The following MAP2K6 variants were observed in gnomAD, a reference collection of about 807,000 sequenced individuals.
MAP2K6 encodes the protein mitogen-activated protein kinase kinase 6, also known as dual specificity mitogen-activated protein kinase kinase 6.
In MAP2K6, 16 loss-of-function variants were observed where a neutral mutation model predicts 53.7. That is an observed-to-expected ratio of 0.30 (90% CI 0.20 to 0.45). The LOEUF (loss-of-function observed/expected upper bound fraction) is 0.45, where lower values mean the gene tolerates loss of function less well. MAP2K6 is among the 20% of genes least tolerant of loss of function. MAP2K6 has a pLI of 1.00. For missense variants in MAP2K6, 204 were observed against 411.9 expected (o/e 0.50, Z 4.37); for synonymous variants, 132 against 143.1 (o/e 0.92, Z 0.55).
intron 1 of MAP2K6, among the ~76,000 whole-genome samples, chr17:69,490,740 CA>C (rs1231418491): frequency 6.6e-6 from 1 of 151,492 alleles, no homozygotes; most frequent in African/African-American, 2.4e-5. Context: ...GTTTTACGTT[CA>C]GGGGTACATG....
intron 1 of MAP2K6, among the ~76,000 whole-genome samples, chr17:69,432,810 TA>T (rs59109680): frequency 0.59 from 82,620 of 139,732 alleles, 24,466 homozygotes; most frequent in African/African-American, 0.77. Context: ...AACCTAAAAT[TA>T]AAAAAAAAAA....
chr17:69,424,561 G>A (rs1451910259), intron 1 of MAP2K6, among the ~76,000 whole-genome samples: 1 of 152,172 alleles, frequency 6.6e-6, no homozygotes, highest in Non-Finnish European at 1.5e-5. Flanking sequence ...AGAGGTTTTA[G>A]CCAAGGTCTG....
chr17:69,453,664 G>C (rs916505871), intron 1 of MAP2K6, among the ~76,000 whole-genome samples: 1 of 152,188 alleles, frequency 6.6e-6, no homozygotes, highest in Non-Finnish European at 1.5e-5. Flanking sequence ...GTCTTGAATA[G>C]TAGGAGAAAC....
chr17:69,498,619 C>T (rs575463358), intron 1 of MAP2K6, among the ~76,000 whole-genome samples: 14 of 143,094 alleles, frequency 9.8e-5, no homozygotes, highest in South Asian at 2.3e-4. Context: ...GCACCCAGCA[C>T]GCCTGGAAGC....
At position 69,489,347 on chromosome 17, in the gene MAP2K6, A is replaced by G. The variant is rs1908660922; in HGVS notation, c.17-16433A>G. 2.0e-5 allele frequency among the ~76,000 whole-genome samples: 3 copies of G among 152,316 alleles called. No homozygotes were observed. The South Asian group carries it at 6.2e-4, about 32-fold the overall frequency. On this transcript the variant is annotated intron_variant, in intron 1 of 11. Coordinates refer to ENST00000590474, the MANE Select transcript of MAP2K6 (RefSeq NM_002758.4). ...AATACGTTTCACCCACATTTCTGTG[A>G]TCACATAGGTGGAACATTGTTCTGG...
At chr17:69,535,851 TATC>T (rs1911326968) in intron 10 of MAP2K6, among the ~76,000 whole-genome samples, 1 of 150,964 alleles carries the variant, frequency 6.6e-6, no homozygotes. Flanking sequence ...TTAGTGTGCA[TATC>T]ATCGGTAAAG....
intron 1 of MAP2K6, among the ~76,000 whole-genome samples, chr17:69,466,154 C>T (rs1429911208): frequency 4.7e-5 from 7 of 150,184 alleles, no homozygotes; most frequent in South Asian, 2.1e-4. Context: ...AGCATGGTGG[C>T]GCACAGCTGT....
At chr17:69,503,398 GT>G (rs1453235932) in intron 1 of MAP2K6, among the ~76,000 whole-genome samples, 1 of 152,218 alleles carries the variant, frequency 6.6e-6, no homozygotes. Flanking sequence ...TCTATGCGAT[GT>G]CAATAACTGA....
intron 1 of MAP2K6, among the ~76,000 whole-genome samples, chr17:69,498,447 A>T (rs1025060080): frequency 9.2e-5 from 14 of 152,190 alleles, no homozygotes; most frequent in African/African-American, 3.1e-4. Flanking sequence ...TACTGTCCCC[A>T]GTAGCTGAGA....
chr17:69,513,792 C>T (rs1227129492), intron 2 of MAP2K6, among the ~76,000 whole-genome samples: 1 of 152,024 alleles, frequency 6.6e-6, no homozygotes, highest in Non-Finnish European at 1.5e-5. Context: ...AGTTGCAGCC[C>T]CAAATAATTA....
Position 69,544,384 on chromosome 17 carries a change from C to G in MAP2K6, c.*2631C>G, listed in dbSNP as rs1050658961. 3.9e-5 allele frequency: 6 copies of G among 152,168 alleles called. No homozygotes were observed. Among genetic ancestry groups the G allele is most frequent in the Admixed American group, 3.3e-4 (5 of 15,282 alleles). The allele number at this position is 152,168 out of a possible 1,614,324, so 9.4% of individuals were successfully genotyped here. The stretch of plus-strand genomic sequence containing the variant: ...AGAGCATGGTTTTGTTTTTGGAAAA[C>G]TGTGTTGTAAGTGCCAATCAACCAA... On this transcript the variant is annotated 3_prime_UTR_variant, in exon 12 of 12. Transcript: ENST00000590474.
At chr17:69,475,575 G>T (rs889167432) in intron 1 of MAP2K6, among the ~76,000 whole-genome samples, 2 of 152,218 alleles carry the variant, frequency 1.3e-5, no homozygotes, top group African/African-American at 4.8e-5. Context: ...TACACACAAA[G>T]AACATTTTAT....
intron 9 of MAP2K6, 97 bp from the exon 10 acceptor site, chr17:69,526,473 C>T (rs1910775646): frequency 7.4e-7 from 1 of 1,354,642 alleles, no homozygotes; most frequent in African/African-American, 1.4e-5. Context: ...TGAACTTTGC[C>T]TTGTGTTTCC....
chr17:69,419,283 T>A (rs1011319483), intron 1 of MAP2K6, among the ~76,000 whole-genome samples: 4 of 152,218 alleles, frequency 2.6e-5, no homozygotes, highest in Admixed American at 1.3e-4. Flanking sequence ...TTCTTTAGGA[T>A]GATTCCTAGA....
intron 2 of MAP2K6, among the ~76,000 whole-genome samples, chr17:69,515,238 C>A (rs1311063854): frequency 6.6e-6 from 1 of 151,820 alleles, no homozygotes; most frequent in African/African-American, 2.4e-5. Flanking sequence ...CTCACTGCAA[C>A]CTCCGCCTTC....
chr17:69,422,313 G>A (rs779627986), intron 1 of MAP2K6, among the ~76,000 whole-genome samples: 2 of 151,650 alleles, frequency 1.3e-5, no homozygotes, highest in East Asian at 1.9e-4. Context: ...TGTATTTTTA[G>A]TAGAGACAGG....
intron 1 of MAP2K6, chr17:69,501,567 T>C (rs1033752558): frequency 2.1e-4 from 32 of 152,216 alleles, no homozygotes; most frequent in Non-Finnish European, 4.6e-4. Flanking sequence ...AGCTTTGCTT[T>C]GGTTTCAGAT....
chr17:69,424,854 T>C (rs1042688752), intron 1 of MAP2K6, among the ~76,000 whole-genome samples: 1 of 152,212 alleles, frequency 6.6e-6, no homozygotes, highest in African/African-American at 2.4e-5. Context: ...GAGTTCCAAA[T>C]AGAAACTGCC....
chr17:69,495,355 C>T (rs1908908011), intron 1 of MAP2K6, among the ~76,000 whole-genome samples: 1 of 152,030 alleles, frequency 6.6e-6, no homozygotes. Context: ...CCTGCCTCAG[C>T]CTCCCAAGTA....
Sources: gnomAD v4.1 joint callset for allele counts (sites outside exome capture counted in the v4.1 genomes callset) on GRCh38, gnomAD v4.1.1 for gene constraint, MANE v1.5 for transcripts, NCBI Gene and HGNC (gene_info 2026-07-23, HGNC 2026-07-21) for gene names.